Variants in ZFP42 observed in about 807,000 individuals in gnomAD.
ZFP42 encodes zinc finger protein 42 homolog.
For synonymous variants in ZFP42, 175 were observed against 144.6 expected, an observed-to-expected ratio of 1.21 and a Z score of -1.51; for missense variants, 438 against 377.1, an observed-to-expected ratio of 1.16 and a Z score of -1.34.
chr4:188,004,661 G>C lies in ZFP42; in HGVS notation c.*921G>C, dbSNP rs7665254. 6.0e-6 allele frequency: 1 copy of C among 166,542 alleles called. No homozygotes were observed. Among genetic ancestry groups the C allele is most frequent in the Non-Finnish European group, 1.5e-5 (1 of 68,254 alleles). The allele number at this position is 166,542 out of a possible 1,614,324, so 10.3% of individuals were successfully genotyped here. A position where few individuals can be genotyped will look rare whatever the true frequency, so the allele number is the denominator to read the frequency against. Reference sequence around the variant, plus strand: ...AACTTAGCTAGGCCTGGTTGCATACGCCTGTGTTCCCAGCTACTCAGGAGG... The same window carrying C: ...AACTTAGCTAGGCCTGGTTGCATACCCCTGTGTTCCCAGCTACTCAGGAGG... On this transcript the variant is annotated 3_prime_UTR_variant, in exon 4 of 4. Transcript: ENST00000326866.
Position 188,003,909 on chromosome 4 carries a change from A to G in ZFP42, c.*169A>G. On this transcript the variant is annotated 3_prime_UTR_variant, in exon 4 of 4. Transcript: ENST00000326866. ...CACTTTGTGATACCGTTTTAAGGACATGGTGCATTTTTTTTTCTTTTATTT... is the reference window on the plus strand; with the variant it reads ...CACTTTGTGATACCGTTTTAAGGACGTGGTGCATTTTTTTTTCTTTTATTT... 5 of 599,898 alleles carry G rather than the reference A, an allele frequency of 8.3e-6. No individual in the cohort carries two copies. Among genetic ancestry groups the G allele is most frequent in the Non-Finnish European group, 1.1e-5 (4 of 358,034 alleles). 37.2% of individuals were successfully genotyped at this position (599,898 alleles called of 1,614,324 possible). A position where few individuals can be genotyped will look rare whatever the true frequency, so the allele number is the denominator to read the frequency against.
Position 188,002,890 on chromosome 4 carries a change from G to T in ZFP42, c.83G>T (p.Arg28Met), listed in dbSNP as rs1368826964. 2 of 1,614,214 alleles carry T rather than the reference G, an allele frequency of 1.2e-6. No individual in the cohort carries two copies. The highest frequency in any genetic ancestry group is 1.7e-5 in the Admixed American group (1 of 60,030). ...AGAGCCCCCAGTGGGGCTAAGCCCA[G>T]GCAAGGCAAGTCAAGCCAAGACCTG... ...GGRAPSGAKPRQGKSSQDLQA... is the reference protein window; with the variant it reads ...GGRAPSGAKPMQGKSSQDLQA... Residue 28 changes from arginine (R) to methionine (M), a missense_variant, in exon 4 of 4, where the codon AGG becomes ATG. Transcript: ENST00000326866.
At chr4:187,997,525 T>C (rs1560911650) in intron 1 of ZFP42, among the ~76,000 whole-genome samples, 1 of 151,672 alleles carries the variant, frequency 6.6e-6, no homozygotes, top group African/African-American at 2.4e-5. Context: ...CCGCTCCCGG[T>C]CCCACCCCGC....
chr4:187,998,004 A>G (rs1230985881), intron 1 of ZFP42, among the ~76,000 whole-genome samples: 1 of 152,236 alleles, frequency 6.6e-6, no homozygotes, highest in African/African-American at 2.4e-5. Flanking sequence ...AAGTGTTATT[A>G]CAAAAGAGTC....
At chr4:188,000,396 T>G (rs1030253338) in intron 3 of ZFP42, among the ~76,000 whole-genome samples, 1 of 151,918 alleles carries the variant, frequency 6.6e-6, no homozygotes, top group Non-Finnish European at 1.5e-5. Flanking sequence ...GTTTTCTTTT[T>G]TTTTCTTTTT....
intron 1 of ZFP42, among the ~76,000 whole-genome samples, chr4:187,996,103 T>G (rs1733550362): frequency 6.6e-6 from 1 of 152,174 alleles, no homozygotes; most frequent in Non-Finnish European, 1.5e-5. Flanking sequence ...CTGGCGGTGA[T>G]TTCCTAAATT....
intron 1 of ZFP42, among the ~76,000 whole-genome samples, chr4:187,996,827 G>A (rs891216460): frequency 6.6e-6 from 1 of 152,100 alleles, no homozygotes; most frequent in Non-Finnish European, 1.5e-5. Flanking sequence ...CAGCTGTCCG[G>A]CCCATCTTCT....
chr4:188,002,044 G>A (rs567097939), intron 3 of ZFP42, among the ~76,000 whole-genome samples: 1 of 152,256 alleles, frequency 6.6e-6, no homozygotes, highest in South Asian at 2.1e-4. Context: ...AGGCGTGGTG[G>A]CGTGCGCCTG....
intron 1 of ZFP42, among the ~76,000 whole-genome samples, chr4:187,997,068 G>C (rs1485670444): frequency 6.6e-6 from 1 of 151,390 alleles, no homozygotes; most frequent in East Asian, 2.0e-4. Flanking sequence ...AGCCCCCGGG[G>C]AGCGCCGGCA....
chr4:188,000,820 A>G (rs1488339978), intron 3 of ZFP42, among the ~76,000 whole-genome samples: 1 of 152,030 alleles, frequency 6.6e-6, no homozygotes, highest in Non-Finnish European at 1.5e-5. Flanking sequence ...CGTATCTACT[A>G]AAAAATAACA....
At chr4:187,996,473 G>C (rs1733570479) in intron 1 of ZFP42, among the ~76,000 whole-genome samples, 1 of 152,046 alleles carries the variant, frequency 6.6e-6, no homozygotes, top group Non-Finnish European at 1.5e-5. Context: ...ACTGCGCCCG[G>C]CTAATTTTTG....
chr4:187,998,413 AATTTTT>A (rs1724451771), intron 1 of ZFP42, among the ~76,000 whole-genome samples: 1 of 152,284 alleles, frequency 6.6e-6, no homozygotes, highest in African/African-American at 2.4e-5. Flanking sequence ...AGGAAAGACA[AATTTTT>A]AAATAAGTTC....
rs1232205567 is a variant in ZFP42 at position 188,003,148 on chromosome 4, G to C, written c.341G>C (p.Ser114Thr). 6.2e-7 allele frequency: 1 copy of C among 1,614,102 alleles called. No individual in the cohort carries two copies. Among genetic ancestry groups the C allele is most frequent in the South Asian group, 1.1e-5 (1 of 91,080 alleles). The change falls in exon 4 of 4, where the codon AGC (serine) becomes ACC (threonine). Residue 114 changes from serine (S) to threonine (T), a missense_variant. Transcript: ENST00000326866. ...CTTTCTCAAAAGGTTTTCGAAGCAA[G>C]CTCCCTTGAATGTTCTTTGGAATAC... ...QQLSQKVFEA[S>T]SLECSLEYMK...
chr4:187,997,485 C>A (rs1456351119), intron 1 of ZFP42, among the ~76,000 whole-genome samples: 1 of 151,820 alleles, frequency 6.6e-6, no homozygotes, highest in Non-Finnish European at 1.5e-5. Context: ...CCTCGGCCTC[C>A]CAAAGTGGTG....
At position 188,003,560 on chromosome 4, in the gene ZFP42, G is replaced by A. The variant is rs767291029; in HGVS notation, c.753G>A (p.Gly251=). ...AGCCGTTTCGGTGCACTTTTGAAGG[G>A]TGCGGAAAGCGCTTCTCTCTGGACT... ...GEKPFRCTFE[G]CGKRFSLDFN... is the part of the protein sequence containing the mutation. Residue 251 remains glycine (G), a synonymous_variant, in exon 4 of 4, where the codon GGG becomes GGA. Coordinates refer to ENST00000326866, the MANE Select transcript of ZFP42 (RefSeq NM_174900.5). 3.1e-6 allele frequency: 5 copies of A among 1,613,588 alleles called. No individual in the cohort carries two copies. In the East Asian group the frequency reaches 8.9e-5, roughly 29 times the overall value.
At position 188,002,849 on chromosome 4, in the gene ZFP42, G is replaced by T; in HGVS notation, c.42G>T (p.Gln14His). Residue 14 changes from glutamine to histidine, a missense_variant, in exon 4 of 4, where the codon CAG (glutamine) becomes CAT (histidine). Coordinates refer to ENST00000326866, the MANE Select transcript of ZFP42 (RefSeq NM_174900.5). ...AGAAACGGGCAAAGACAAGACACCA[G>T]AAAGGCCTGGGTGGAAGAGCCCCCA... ...QLKKRAKTRHQKGLGGRAPSG... is the reference protein window; with the variant it reads ...QLKKRAKTRHHKGLGGRAPSG... 6.2e-7 allele frequency: 1 copy of T among 1,614,194 alleles called. No individual in the cohort carries two copies. The highest frequency in any genetic ancestry group is 1.6e-4 in the Middle Eastern group (1 of 6,062).
intron 1 of ZFP42, among the ~76,000 whole-genome samples, chr4:187,997,035 G>A (rs73874769): frequency 0.48 from 40,731 of 85,646 alleles, 6,545 homozygotes; most frequent in East Asian, 0.74. Flanking sequence ...AGCATGGAGC[G>A]TGGAGCATGG....
intron 1 of ZFP42, among the ~76,000 whole-genome samples, chr4:187,997,279 G>C (rs1274401646): frequency 8.6e-6 from 1 of 116,646 alleles, no homozygotes; most frequent in African/African-American, 3.5e-5. Context: ...TGTCGCTTGG[G>C]CTGGAGTGCA....
chr4:187,998,835 C>T (rs1323615399), intron 1 of ZFP42, among the ~76,000 whole-genome samples: 1 of 152,148 alleles, frequency 6.6e-6, no homozygotes, highest in Non-Finnish European at 1.5e-5. Context: ...GAACATATTC[C>T]TGTCTTCGAG....
Sources: gnomAD v4.1 joint callset for allele counts (sites outside exome capture counted in the v4.1 genomes callset) on GRCh38, gnomAD v4.1.1 for gene constraint, MANE v1.5 for transcripts, NCBI Gene and HGNC (gene_info 2026-07-23, HGNC 2026-07-21) for gene names.